The following POLDIP3 variants were observed in gnomAD, a reference collection of about 807,000 sequenced individuals.
The protein encoded by POLDIP3 is polymerase delta-interacting protein 3.
POLDIP3 carries 14 observed loss-of-function variants against 45.1 expected under a neutral mutation model. That is an observed-to-expected ratio of 0.31 (90% CI 0.20 to 0.49). The LOEUF is 0.49. POLDIP3 is among the 20% of genes least tolerant of loss of function. The pLI is 0.99. For synonymous variants in POLDIP3, 223 were observed against 205.2 expected, an observed-to-expected ratio of 1.09 and a Z score of -0.74; for missense variants, 511 against 538.8, an observed-to-expected ratio of 0.95 and a Z score of 0.51.
chr22:42,597,144 C>G (rs1015975001), intron 4 of POLDIP3, among the ~76,000 whole-genome samples: 1 of 152,138 alleles, frequency 6.6e-6, no homozygotes, highest in Non-Finnish European at 1.5e-5. Flanking sequence ...GTGCAGATCA[C>G]CAAAAACAGC....
chr22:42,597,868 C>T (rs1035817913), intron 4 of POLDIP3: 8 of 402,280 alleles, frequency 2.0e-5, no homozygotes, highest in African/African-American at 1.3e-4. Flanking sequence ...GCAACCTCCA[C>T]CTCGGGGTTC....
chr22:42,607,393 G>A (rs935665568), intron 1 of POLDIP3, among the ~76,000 whole-genome samples: 1 of 152,238 alleles, frequency 6.6e-6, no homozygotes, highest in Non-Finnish European at 1.5e-5. Flanking sequence ...GATTGCAGAC[G>A]GAGTCTCGCT....
intron 7 of POLDIP3, among the ~76,000 whole-genome samples, chr22:42,589,502 G>A (rs1248685833): frequency 1.3e-5 from 2 of 151,924 alleles, no homozygotes; most frequent in East Asian, 3.9e-4. Context: ...GAAGTGAAAG[G>A]AACAGACCAA....
intron 1 of POLDIP3, among the ~76,000 whole-genome samples, chr22:42,609,442 C>G (rs1341743147): frequency 6.6e-6 from 1 of 152,138 alleles, no homozygotes; most frequent in Non-Finnish European, 1.5e-5. Flanking sequence ...ATACCCCCTA[C>G]GGGAACCTGG....
rs556324617 is a variant in POLDIP3, at chr22:42,591,533, A to C, written c.1021+422T>G. On this transcript the variant is annotated intron_variant, in intron 7 of 8. Transcript: ENST00000252115. ...GGCTGTCTGGAGATGAAAAATATGA[A>C]CCTCAAGTCAATAAAGTCTGTTGTT... is the stretch of plus-strand genomic sequence containing the variant. Among the ~76,000 whole-genome samples, 6 of 152,292 alleles carry C rather than the reference A, an allele frequency of 3.9e-5. No homozygotes were observed. In the South Asian group the frequency reaches 1.2e-3, roughly 32 times the overall value.
intron 1 of POLDIP3, among the ~76,000 whole-genome samples, chr22:42,604,164 T>C (rs2146826446): frequency 6.6e-6 from 1 of 152,310 alleles, no homozygotes; most frequent in South Asian, 2.1e-4. Context: ...ACGCTCTGCC[T>C]GCGGACTCCT....
At chr22:42,596,437 C>T in intron 4 of POLDIP3, 72 bp from the exon 5 acceptor site, 1 of 1,454,682 alleles carries the variant, frequency 6.9e-7, no homozygotes, top group Non-Finnish European at 9.4e-7. Flanking sequence ...AAGAGGTTGA[C>T]AACTTGCTGA....
intron 6 of POLDIP3, among the ~76,000 whole-genome samples, chr22:42,594,212 G>T (rs1215818053): frequency 1.3e-5 from 2 of 152,094 alleles, no homozygotes; most frequent in African/African-American, 4.8e-5. Flanking sequence ...AGTGAGCCAA[G>T]ATCGCACTAC....
At position 42,583,756 on chromosome 22, in the gene POLDIP3, T is replaced by C. The variant is rs1925112962; in HGVS notation, c.*2035A>G. On this transcript the variant is annotated 3_prime_UTR_variant, in exon 9 of 9. Coordinates refer to ENST00000252115, the MANE Select transcript of POLDIP3 (RefSeq NM_032311.5). ...AAATGTTTATTCAGAAATGGATAAG[T>C]AATACATAATCACCCTTCATCTCTT... is the stretch of plus-strand genomic sequence containing the variant. The C allele has an allele frequency of 6.7e-6, 1 of 149,714 alleles. No homozygotes were observed. Among genetic ancestry groups the C allele is most frequent in the South Asian group, 2.1e-4 (1 of 4,730 alleles). 9.3% of individuals were successfully genotyped at this position (149,714 alleles called of 1,614,324 possible).
chr22:42,603,404 A>T (rs1373084400), intron 1 of POLDIP3, among the ~76,000 whole-genome samples: 1 of 106,116 alleles, frequency 9.4e-6, no homozygotes. Flanking sequence ...ATTCCTAGTT[A>T]AGAGTGTTTT....
chr22:42,593,219 A>T (rs538126058), intron 6 of POLDIP3, among the ~76,000 whole-genome samples: 3 of 152,352 alleles, frequency 2.0e-5, no homozygotes, highest in Admixed American at 6.5e-5. Context: ...TGTTATTTTT[A>T]AAAATTTGAG....
At chr22:42,597,486 C>A (rs540437832) in intron 4 of POLDIP3, among the ~76,000 whole-genome samples, 1 of 152,348 alleles carries the variant, frequency 6.6e-6, no homozygotes, top group East Asian at 1.9e-4. Flanking sequence ...ACTGCTCGGG[C>A]TCCATTCCTA....
Position 42,591,986 on chromosome 22 carries a change from T to C in POLDIP3, c.990A>G (p.Ala330=), listed in dbSNP as rs975542848. ...GACACCGGTTGTTGTACTTCTTATA[T>C]GCGGTGATGGCATCGTCCTTTTTCA... is the stretch of plus-strand genomic sequence containing the variant. ...VFVKKDDAIT[A]YKKYNNRCLD... is the part of the protein sequence containing the mutation. The change falls in exon 7 of 9, where the codon GCA becomes GCG. Residue 330 remains alanine, a synonymous_variant. Transcript: ENST00000252115. 4.3e-6 allele frequency: 7 copies of C among 1,614,220 alleles called. No homozygotes were observed. Among genetic ancestry groups the C allele is most frequent in the Non-Finnish European group, 5.9e-6 (7 of 1,180,042 alleles).
At chr22:42,596,050 A>G (rs1925963940) in intron 5 of POLDIP3, 136 bp downstream of exon 5, 1 of 921,150 alleles carries the variant, frequency 1.1e-6, no homozygotes, top group South Asian at 1.7e-5. Context: ...AAGAGTCCCT[A>G]GGTCTTGGTT....
chr22:42,595,652 G>A (rs905443682), intron 5 of POLDIP3, 38 bp from the exon 6 acceptor site: 5 of 1,575,932 alleles, frequency 3.2e-6, no homozygotes, highest in Non-Finnish European at 4.4e-6. Context: ...AAGCCAGATG[G>A]CTGATAAGCA....
intron 3 of POLDIP3, among the ~76,000 whole-genome samples, chr22:42,601,311 G>C (rs1270783438): frequency 6.8e-6 from 1 of 147,152 alleles, no homozygotes; most frequent in Non-Finnish European, 1.5e-5. Flanking sequence ...CCAGGAGTTC[G>C]AGACCTGCCT....
In POLDIP3 at chr22:42,609,359, C is replaced by T. The variant is rs146060738; in HGVS notation, c.59+5440G>A. The stretch of plus-strand genomic sequence containing the variant: ...GCTTCCAGGGCTTCACCAGGTATTC[C>T]GCGAGGTCCTGGCAAGAGCGCTGCT... On this transcript the variant is annotated intron_variant, in intron 1 of 8. Coordinates refer to ENST00000252115, the MANE Select transcript of POLDIP3 (RefSeq NM_032311.5). Among the ~76,000 whole-genome samples the T allele has an allele frequency of 7.0e-4, 106 of 152,308 alleles. 1 individual carries two copies. In the East Asian group the frequency reaches 0.014, roughly 20 times the overall value.
intron 1 of POLDIP3, among the ~76,000 whole-genome samples, chr22:42,611,803 G>A (rs933224911): frequency 6.6e-6 from 1 of 151,932 alleles, no homozygotes; most frequent in Non-Finnish European, 1.5e-5. Context: ...CTTGAACCTG[G>A]AAGCCAGAGG....
At chr22:42,588,312 G>A (rs1415410731) in intron 7 of POLDIP3, among the ~76,000 whole-genome samples, 2 of 151,952 alleles carry the variant, frequency 1.3e-5, no homozygotes, top group Non-Finnish European at 2.9e-5. Context: ...AAAATTAGCT[G>A]GGTGTGGTGG....
Sources: gnomAD v4.1 joint callset for allele counts (sites outside exome capture counted in the v4.1 genomes callset) on GRCh38, gnomAD v4.1.1 for gene constraint, MANE v1.5 for transcripts, NCBI Gene and HGNC (gene_info 2026-07-23, HGNC 2026-07-21) for gene names.